CCT8: variants seen among roughly 807,000 people sequenced by gnomAD.
CCT8 encodes T-complex protein 1 subunit theta.
Under a neutral mutation model 65.7 loss-of-function variants are expected in CCT8, and 10 were observed. The ratio of observed to expected loss-of-function variants is 0.15; its 90% CI spans 0.09 to 0.26. CCT8 has a LOEUF of 0.26. CCT8 is among the 10% of genes least tolerant of loss of function. CCT8 has a pLI of 1.00. For synonymous variants in CCT8, 199 were observed against 221.8 expected (o/e 0.90, Z 0.92); for missense variants, 568 against 669.1 (o/e 0.85, Z 1.67).
chr21:29,066,409 G>A (rs1013728269), intron 6 of CCT8, among the ~76,000 whole-genome samples: 4 of 151,958 alleles, frequency 2.6e-5, no homozygotes, highest in African/African-American at 7.2e-5. Flanking sequence ...GTGTGGTGGC[G>A]CATGCCTGTA....
intron 14 of CCT8, among the ~76,000 whole-genome samples, chr21:29,060,246 A>G (rs1017165019): frequency 1.3e-5 from 2 of 152,142 alleles, no homozygotes; most frequent in African/African-American, 4.8e-5. Flanking sequence ...GTGGTCTGCA[A>G]TGTCTGCTTG....
At chr21:29,063,204 C>T in intron 8 of CCT8, 148 bp downstream of exon 8, 1 of 613,438 alleles carries the variant, frequency 1.6e-6, no homozygotes, top group Non-Finnish European at 2.8e-6. Flanking sequence ...GTTTCCTGAC[C>T]CCTCCCCAAA....
chr21:29,072,004 T>C (rs1568916818), intron 1 of CCT8: 1 of 690,732 alleles, frequency 1.4e-6, no homozygotes, highest in South Asian at 1.5e-5. Context: ...GTTGTTGTTG[T>C]TGTTTTAAAA....
At position 29,063,542 on chromosome 21, in the gene CCT8, A is replaced by C. The variant is rs1258356386; in HGVS notation, c.763-12T>G. 1.2e-6 allele frequency: 2 copies of C among 1,611,120 alleles called. No individual in the cohort carries two copies. On this transcript the variant is annotated splice_polypyrimidine_tract_variant and intron_variant, in intron 7 of 14. Transcript: ENST00000286788. The stretch of plus-strand genomic sequence containing the variant: ...ATCAACACTGTTCCCTGGCAAAACA[A>C]GTAAACATTCCCTTTAAAATCATTT...
rs199688382 is a variant in CCT8, at chr21:29,067,011, A to G, written c.442T>C (p.Cys148Arg). The G allele has an allele frequency of 1.2e-4, 192 of 1,613,636 alleles. 1 individual carries two copies. The highest frequency in any genetic ancestry group is 1.8e-5 in the Non-Finnish European group (21 of 1,179,778). ...KAHEILPNLV[C>R]CSAKNLRDID... ...TCTCGAAGGTTTTTTGCAGAACAACATACCAAATTAGGAAGAATCTCATGA... is the reference window on the plus strand; with the variant it reads ...TCTCGAAGGTTTTTTGCAGAACAACGTACCAAATTAGGAAGAATCTCATGA... Residue 148 changes from cysteine (C) to arginine (R), a missense_variant, in exon 5 of 15, where the codon TGT (cysteine) becomes CGT (arginine). By Grantham distance (180) the Cys-to-Arg change is radical. Transcript: ENST00000286788.
At chr21:29,073,347 G>A (rs1317377129) in intron 1 of CCT8, 184 bp downstream of exon 1, 7 of 1,426,168 alleles carry the variant, frequency 4.9e-6, no homozygotes, top group Admixed American at 5.6e-5. Context: ...CGGAAGAAGA[G>A]AAGTGCCCGC....
At chr21:29,069,321 T>C (rs994291284) in intron 3 of CCT8, 102 bp downstream of exon 3, 3 of 579,914 alleles carry the variant, frequency 5.2e-6, no homozygotes, top group East Asian at 3.0e-5. Flanking sequence ...GCTGGAAAAA[T>C]AGTCCCTTAT....
At chr21:29,058,846 C>T (rs2085532587) in intron 14 of CCT8, among the ~76,000 whole-genome samples, 1 of 152,136 alleles carries the variant, frequency 6.6e-6, no homozygotes, top group African/African-American at 2.4e-5. Flanking sequence ...CCTGCCTTGG[C>T]CTCCCAAAGT....
intron 14 of CCT8, among the ~76,000 whole-genome samples, chr21:29,056,905 G>A (rs1431464945): frequency 6.6e-6 from 1 of 152,120 alleles, no homozygotes; most frequent in Non-Finnish European, 1.5e-5. Flanking sequence ...ATTTATATAT[G>A]AGATGTGTCT....
intron 1 of CCT8, chr21:29,073,315 T>C (rs1420269913): frequency 7.1e-7 from 1 of 1,410,962 alleles, no homozygotes; most frequent in Non-Finnish European, 9.2e-7. Flanking sequence ...GTGCCGCCGA[T>C]CCCTCGGCCT....
chr21:29,073,172 T>C (rs557174824), intron 1 of CCT8: 2 of 774,632 alleles, frequency 2.6e-6, no homozygotes, highest in East Asian at 8.4e-5. Flanking sequence ...CTCAAGACAA[T>C]TTCATCTACG....
chr21:29,065,137 T>C, intron 6 of CCT8, 32 bp from the exon 7 acceptor site: 1 of 1,605,606 alleles, frequency 6.2e-7, no homozygotes, highest in Non-Finnish European at 8.5e-7. Flanking sequence ...TCATCAGCAA[T>C]CTCCTGAAAA....
At chr21:29,057,146 C>G (rs1325874641) in intron 14 of CCT8, among the ~76,000 whole-genome samples, 1 of 148,292 alleles carries the variant, frequency 6.7e-6, no homozygotes, top group African/African-American at 2.5e-5. Context: ...CTTACTTTAT[C>G]TAAAATAAAT....
chr21:29,069,616 C>T, intron 2 of CCT8, 114 bp from the exon 3 acceptor site: 1 of 591,132 alleles, frequency 1.7e-6, no homozygotes, highest in South Asian at 2.7e-5. Context: ...AAAAAAAGAG[C>T]TTTGCAAGAA....
At chr21:29,063,755 G>A (rs1001537663) in intron 7 of CCT8, among the ~76,000 whole-genome samples, 4 of 152,092 alleles carry the variant, frequency 2.6e-5, no homozygotes, top group African/African-American at 4.8e-5. Flanking sequence ...AAGTACTTAG[G>A]TGGAAAAGTA....
At chr21:29,061,011 T>C (rs903813594) in intron 13 of CCT8, among the ~76,000 whole-genome samples, 6 of 152,178 alleles carry the variant, frequency 3.9e-5, no homozygotes, top group African/African-American at 1.4e-4. Context: ...TTTCAATCTG[T>C]GGTTGGTTGA....
chr21:29,068,750 C>A (rs1305483100), intron 3 of CCT8, among the ~76,000 whole-genome samples: 1 of 152,166 alleles, frequency 6.6e-6, no homozygotes, highest in East Asian at 1.9e-4. Context: ...CAGGCGTGAG[C>A]CACCGCGTCC....
chr21:29,069,769 A>G (rs989249495), intron 2 of CCT8, among the ~76,000 whole-genome samples: 3 of 152,210 alleles, frequency 2.0e-5, no homozygotes, highest in African/African-American at 7.2e-5. Flanking sequence ...GCCAATTTCT[A>G]TCTTCTGTTT....
intron 2 of CCT8, among the ~76,000 whole-genome samples, 164 bp downstream of exon 2, chr21:29,070,078 GTGAGT>G (rs2085664590): frequency 6.6e-6 from 1 of 152,114 alleles, no homozygotes; most frequent in Non-Finnish European, 1.5e-5. Flanking sequence ...CTAAAGAGAT[GTGAGT>G]TGATTGAAAA....
Sources: gnomAD v4.1 joint callset for allele counts (sites outside exome capture counted in the v4.1 genomes callset) on GRCh38, gnomAD v4.1.1 for gene constraint, MANE v1.5 for transcripts, NCBI Gene and HGNC (gene_info 2026-07-23, HGNC 2026-07-21) for gene names.